The following GAB1 variants were observed in gnomAD, a reference collection of about 807,000 sequenced individuals.
GAB1 encodes the protein GRB2-associated-binding protein 1.
A neutral mutation model predicts 66.5 loss-of-function variants in GAB1; 19 were observed. The ratio of observed to expected loss-of-function variants is 0.29; its 90% CI spans 0.20 to 0.42. The LOEUF is 0.42. GAB1 is among the 10% of genes least tolerant of loss of function. The probability of loss-of-function intolerance (pLI) is 1.00; values close to 1 mark genes in which losing one functional copy is unlikely to be tolerated. For missense variants in GAB1, 732 were observed against 858.5 expected (o/e 0.85, Z 1.84); for synonymous variants, 294 against 301.4 (o/e 0.98, Z 0.25).
intron 1 of GAB1, among the ~76,000 whole-genome samples, chr4:143,373,860 A>ATATATATATAT (rs1553945747): frequency 1.8e-5 from 1 of 55,406 alleles, no homozygotes; most frequent in Admixed American, 1.6e-4. Flanking sequence ...TCTCTCTGTA[A>ATATATATATAT]ATAAATAAAT....
intron 3 of GAB1, chr4:143,434,235 C>A: frequency 1.5e-6 from 1 of 676,364 alleles, no homozygotes; most frequent in Non-Finnish European, 2.2e-6. Flanking sequence ...CCCAATATAG[C>A]AAATTCCATG....
At chr4:143,362,550 C>T (rs936711779) in intron 1 of GAB1, among the ~76,000 whole-genome samples, 12 of 152,268 alleles carry the variant, frequency 7.9e-5, no homozygotes, top group South Asian at 2.1e-4. Flanking sequence ...CCAGAACTGA[C>T]AGTTTCTCCC....
intron 6 of GAB1, among the ~76,000 whole-genome samples, chr4:143,452,427 C>T (rs1734977250): frequency 1.3e-5 from 2 of 152,040 alleles, no homozygotes; most frequent in African/African-American, 4.8e-5. Context: ...TTCTAGTTAG[C>T]GTGTTTTCAT....
rs921266104 is a variant in GAB1 at position 143,405,086 on chromosome 4, G to A, written c.73-10391G>A. On this transcript the variant is annotated intron_variant, in intron 1 of 9. Transcript: ENST00000262994. ...GTCTTGTTCTTTATTTAAACAAGAC[G>A]TTATTAAACATCAAATGGACATTGA... is the stretch of plus-strand genomic sequence containing the variant. Among the ~76,000 whole-genome samples, 12 of 152,210 alleles carry A rather than the reference G, an allele frequency of 7.9e-5. 1 individual carries two copies. In the East Asian group the frequency reaches 2.1e-3, roughly 27 times the overall value.
At chr4:143,351,597 G>A (rs531510150) in intron 1 of GAB1, among the ~76,000 whole-genome samples, 1 of 152,304 alleles carries the variant, frequency 6.6e-6, no homozygotes, top group East Asian at 1.9e-4. Context: ...CCTCACCTAG[G>A]TTCGTGGGGA....
chr4:143,415,108 A>C (rs900223679), intron 1 of GAB1, among the ~76,000 whole-genome samples: 1 of 152,230 alleles, frequency 6.6e-6, no homozygotes, highest in African/African-American at 2.4e-5. Flanking sequence ...TATTTCACTT[A>C]GCATAATGTC....
At chr4:143,435,426 A>G (rs903246083) in intron 3 of GAB1, among the ~76,000 whole-genome samples, 2 of 152,212 alleles carry the variant, frequency 1.3e-5, no homozygotes, top group Admixed American at 6.5e-5. Flanking sequence ...AAAAGTTTAC[A>G]ATTATTTTTC....
At chr4:143,355,617 G>A (rs555257641) in intron 1 of GAB1, among the ~76,000 whole-genome samples, 2 of 152,084 alleles carry the variant, frequency 1.3e-5, no homozygotes, top group Non-Finnish European at 2.9e-5. Context: ...GAAGGCGTGC[G>A]CCTCACCTGT....
At chr4:143,439,695 A>G in intron 4 of GAB1, 107 bp from the exon 5 acceptor site, 1 of 714,962 alleles carries the variant, frequency 1.4e-6, no homozygotes, top group Non-Finnish European at 2.5e-6. Flanking sequence ...GTGTGTGTGC[A>G]TGTGTGTATG....
At chr4:143,396,436 T>C (rs1022231847) in intron 1 of GAB1, among the ~76,000 whole-genome samples, 4 of 152,042 alleles carry the variant, frequency 2.6e-5, no homozygotes, top group African/African-American at 9.7e-5. Flanking sequence ...GGGGAAAGGA[T>C]GAAAACTGAT....
intron 6 of GAB1, among the ~76,000 whole-genome samples, chr4:143,446,191 C>G (rs1734516215): frequency 6.6e-6 from 1 of 151,966 alleles, no homozygotes; most frequent in Non-Finnish European, 1.5e-5. Flanking sequence ...TCCAGTCTAT[C>G]ATTGTTGGAC....
chr4:143,395,807 CCTTT>C, intron 1 of GAB1: 1 of 444,900 alleles, frequency 2.2e-6, no homozygotes, highest in African/African-American at 2.0e-5. Flanking sequence ...CTCCACATAC[CCTTT>C]CTAAGGACTT....
chr4:143,403,397 G>T (rs1731876994), intron 1 of GAB1, among the ~76,000 whole-genome samples: 1 of 152,202 alleles, frequency 6.6e-6, no homozygotes, highest in Non-Finnish European at 1.5e-5. Flanking sequence ...CTTGGGTAGT[G>T]TAGAGGGAGA....
intron 1 of GAB1, among the ~76,000 whole-genome samples, chr4:143,388,437 CAG>C (rs1316375173): frequency 6.6e-6 from 1 of 152,176 alleles, no homozygotes; most frequent in Non-Finnish European, 1.5e-5. Flanking sequence ...GTGTGCGAGA[CAG>C]AGTCTCGCTC....
intron 3 of GAB1, among the ~76,000 whole-genome samples, chr4:143,437,408 T>G (rs1733993753): frequency 6.6e-6 from 1 of 152,196 alleles, no homozygotes; most frequent in African/African-American, 2.4e-5. Flanking sequence ...CGTATTTCGA[T>G]CCTCTTTATA....
At chr4:143,423,494 G>A (rs528502563) in intron 2 of GAB1, among the ~76,000 whole-genome samples, 4 of 152,008 alleles carry the variant, frequency 2.6e-5, no homozygotes, top group Admixed American at 6.5e-5. Context: ...TCAGGAGATC[G>A]AGACCATCCT....
chr4:143,469,050 G>A lies in GAB1; in HGVS notation c.1946G>A (p.Gly649Asp), dbSNP rs780297387. The change falls in exon 10 of 10, where the codon GGC becomes GAC. Residue 649 changes from glycine (G) to aspartate (D), a missense_variant. Transcript: ENST00000262994. ...TTTTAGCAAAAGAGCAGTGGCTCAGGCAGCAGTGTAGCAGATGAGAGAGTG... is the reference window on the plus strand; with the variant it reads ...TTTTAGCAAAAGAGCAGTGGCTCAGACAGCAGTGTAGCAGATGAGAGAGTG... ...PPRKQKSSGS[G>D]SSVADERVDY... is the part of the protein sequence containing the mutation. 6.2e-7 allele frequency: 1 copy of A among 1,613,984 alleles called. No homozygotes were observed. Among genetic ancestry groups the A allele is most frequent in the Admixed American group, 1.7e-5 (1 of 59,994 alleles).
intron 1 of GAB1, among the ~76,000 whole-genome samples, chr4:143,373,918 T>G (rs1730298468): frequency 6.9e-6 from 1 of 145,072 alleles, no homozygotes; most frequent in African/African-American, 2.6e-5. Context: ...GGGAGTGACC[T>G]TTCTTTTTCA....
intron 9 of GAB1, among the ~76,000 whole-genome samples, chr4:143,468,318 C>T (rs1735907194): frequency 6.7e-6 from 1 of 149,020 alleles, no homozygotes; most frequent in African/African-American, 2.5e-5. Context: ...GGGTTCAAGC[C>T]ATTCTCCTGC....
Sources: gnomAD v4.1 joint callset for allele counts (sites outside exome capture counted in the v4.1 genomes callset) on GRCh38, gnomAD v4.1.1 for gene constraint, MANE v1.5 for transcripts, NCBI Gene and HGNC (gene_info 2026-07-23, HGNC 2026-07-21) for gene names.